The following VIT variants were observed in gnomAD, a reference collection of about 807,000 sequenced individuals.
The protein encoded by VIT is vitrin.
Under a neutral mutation model 78.0 loss-of-function variants are expected in VIT, and 99 were observed. The ratio of observed to expected loss-of-function variants is 1.27; its 90% CI spans 1.08 to 1.50. The LOEUF is 1.50. Among genes scored for constraint, VIT ranks in the 40% most tolerant of loss-of-function variants. VIT has a pLI of 0.00. For missense variants in VIT, 1,126 were observed against 875.3 expected, an observed-to-expected ratio of 1.29 and a Z score of -3.61; for synonymous variants, 374 against 334.3, an observed-to-expected ratio of 1.12 and a Z score of -1.29.
intron 2 of VIT, among the ~76,000 whole-genome samples, chr2:36,725,603 G>T (rs1199257423): frequency 1.8e-3 from 148 of 82,366 alleles, no homozygotes; most frequent in African/African-American, 7.6e-3. Flanking sequence ...GTTGAGGGGT[G>T]GGGGGGGGGT....
intron 2 of VIT, 148 bp from the exon 3 acceptor site, chr2:36,729,278 C>A: frequency 1.7e-6 from 1 of 574,390 alleles, no homozygotes; most frequent in South Asian, 2.5e-5. Flanking sequence ...AGAGTAGCCC[C>A]ATCATTAAGT....
At chr2:36,717,526 G>A (rs369946733) in intron 2 of VIT, among the ~76,000 whole-genome samples, 168 of 151,618 alleles carry the variant, frequency 1.1e-3, no homozygotes, top group African/African-American at 3.8e-3. Context: ...ATGAGCCACC[G>A]CACCCGGCCC....
chr2:36,731,178 C>G (rs1189521971), intron 3 of VIT, among the ~76,000 whole-genome samples: 1 of 152,032 alleles, frequency 6.6e-6, no homozygotes, highest in Non-Finnish European at 1.5e-5. Flanking sequence ...CTCAATAGCT[C>G]CCTTTAAAGC....
chr2:36,707,063 A>G (rs1246860300), intron 1 of VIT, among the ~76,000 whole-genome samples: 1 of 152,182 alleles, frequency 6.6e-6, no homozygotes, highest in Non-Finnish European at 1.5e-5. Flanking sequence ...AACTCTCTGC[A>G]GACTCTGGTA....
At chr2:36,805,868 A>G (rs1286816066) in intron 14 of VIT, among the ~76,000 whole-genome samples, 3 of 152,136 alleles carry the variant, frequency 2.0e-5, no homozygotes, top group Admixed American at 2.0e-4. Context: ...GCAGCTGTGG[A>G]GGAGCAGTGT....
intron 3 of VIT, among the ~76,000 whole-genome samples, chr2:36,730,527 G>C (rs772385499): frequency 6.6e-6 from 1 of 152,170 alleles, no homozygotes; most frequent in Admixed American, 6.5e-5. Context: ...GGATGAAGAA[G>C]GGCACATAAT....
intron 15 of VIT, among the ~76,000 whole-genome samples, chr2:36,813,490 A>G (rs901836916): frequency 6.6e-6 from 1 of 152,116 alleles, no homozygotes; most frequent in Non-Finnish European, 1.5e-5. Flanking sequence ...TTTCATGTTC[A>G]TCTTACATGA....
chr2:36,808,591 G>C lies in VIT; in HGVS notation c.1509G>C (p.Lys503Asn), dbSNP rs777080706. The C allele has an allele frequency of 1.2e-6, 2 of 1,614,218 alleles. No homozygotes were observed. Among genetic ancestry groups the C allele is most frequent in the South Asian group, 1.1e-5 (1 of 91,088 alleles). ...VCDTDRLACSKTCLNSADIGF... is the reference protein window; with the variant it reads ...VCDTDRLACSNTCLNSADIGF... ...ACACTGACCGCCTGGCCTGCAGCAA[G>C]ACCTGCTTGAACTCGGCTGACATTG... The change falls in exon 15 of 16, where the codon AAG (lysine) becomes AAC (asparagine). Residue 503 changes from lysine (K) to asparagine (N), a missense_variant. By Grantham distance (94) the Lys-to-Asn change is moderately conservative. Transcript: ENST00000379242.
intron 1 of VIT, among the ~76,000 whole-genome samples, chr2:36,698,996 A>G (rs1282146076): frequency 2.8e-5 from 2 of 70,402 alleles, no homozygotes; most frequent in Non-Finnish European, 6.0e-5. Flanking sequence ...TATTCCCCAC[A>G]TATTAAAAAA....
chr2:36,719,307 C>G (rs1666348986), intron 2 of VIT, among the ~76,000 whole-genome samples: 1 of 152,190 alleles, frequency 6.6e-6, no homozygotes, highest in South Asian at 2.1e-4. Context: ...CTTGCTACTT[C>G]TGTTCAGCAT....
At chr2:36,770,063 CTT>C (rs947399383) in intron 7 of VIT, among the ~76,000 whole-genome samples, 3 of 152,170 alleles carry the variant, frequency 2.0e-5, no homozygotes, top group African/African-American at 7.2e-5. Flanking sequence ...GATTTTTCCT[CTT>C]ATATATGTGG....
intron 3 of VIT, 97 bp from the exon 4 acceptor site, chr2:36,743,003 T>A: frequency 1.3e-6 from 2 of 1,513,786 alleles, no homozygotes; most frequent in Non-Finnish European, 1.8e-6. Flanking sequence ...AGGCTCTGGC[T>A]TTTAGAGATT....
chr2:36,778,603 A>G (rs902342817), intron 9 of VIT, among the ~76,000 whole-genome samples: 1 of 152,138 alleles, frequency 6.6e-6, no homozygotes, highest in African/African-American at 2.4e-5. Flanking sequence ...TAAACCTGGG[A>G]CTGTCGACGC....
intron 12 of VIT, among the ~76,000 whole-genome samples, chr2:36,794,467 G>A (rs1665724547): frequency 6.6e-6 from 1 of 152,110 alleles, no homozygotes; most frequent in African/African-American, 2.4e-5. Context: ...AGGCTAATCA[G>A]GCCATCAACC....
chr2:36,732,373 G>A (rs1667264180), intron 3 of VIT, among the ~76,000 whole-genome samples: 1 of 152,080 alleles, frequency 6.6e-6, no homozygotes, highest in Admixed American at 6.5e-5. Context: ...AAATGCATGA[G>A]GTCTTTTCTC....
At chr2:36,750,210 C>A (rs1441887933) in intron 4 of VIT, among the ~76,000 whole-genome samples, 1 of 152,182 alleles carries the variant, frequency 6.6e-6, no homozygotes, top group Non-Finnish European at 1.5e-5. Context: ...CAATTTCATA[C>A]TAAAAGGGAA....
intron 1 of VIT, among the ~76,000 whole-genome samples, chr2:36,714,735 C>G (rs998332484): frequency 6.6e-6 from 1 of 152,216 alleles, no homozygotes; most frequent in Non-Finnish European, 1.5e-5. Context: ...CCATTCCAAT[C>G]CTATTCACCA....
chr2:36,704,754 C>G (rs568687588), intron 1 of VIT, among the ~76,000 whole-genome samples: 2 of 152,108 alleles, frequency 1.3e-5, no homozygotes, highest in African/African-American at 2.4e-5. Flanking sequence ...GAGAGGGAGC[C>G]CCATGTCTGC....
At chr2:36,784,438 C>A (rs1664960527) in intron 11 of VIT, among the ~76,000 whole-genome samples, 1 of 152,186 alleles carries the variant, frequency 6.6e-6, no homozygotes, top group African/African-American at 2.4e-5. Context: ...GAAACACAGA[C>A]CTGCTGGTTC....
Sources: allele counts gnomAD v4.1 joint callset (sites outside exome capture counted in the v4.1 genomes callset), GRCh38; gene constraint gnomAD v4.1.1; transcripts MANE v1.5; gene names NCBI Gene and HGNC (gene_info 2026-07-23, HGNC 2026-07-21).